Variants in CWH43 observed in about 807,000 individuals in gnomAD.
CWH43 encodes cell wall biogenesis 43 C-terminal homolog.
Under a neutral mutation model 85.7 loss-of-function variants are expected in CWH43, and 91 were observed. The ratio of observed to expected loss-of-function variants is 1.06; its 90% CI spans 0.90 to 1.26. The LOEUF is 1.26. CWH43 is among the 50% of genes most tolerant of loss of function. CWH43 has a pLI of 0.00. For synonymous variants in CWH43, 323 were observed against 293.6 expected, an observed-to-expected ratio of 1.10 and a Z score of -1.02; for missense variants, 869 against 839.2, an observed-to-expected ratio of 1.04 and a Z score of -0.44.
At chr4:49,046,160 G>A (rs1577706914) in intron 14 of CWH43, among the ~76,000 whole-genome samples, 1 of 152,060 alleles carries the variant, frequency 6.6e-6, no homozygotes, top group East Asian at 1.9e-4. Flanking sequence ...GTTGTTAAGT[G>A]ACACATGACT....
intron 7 of CWH43, among the ~76,000 whole-genome samples, chr4:49,004,388 G>T (rs1783089333): frequency 6.6e-6 from 1 of 152,058 alleles, no homozygotes; most frequent in African/African-American, 2.4e-5. Flanking sequence ...GATTTTTTGG[G>T]GTTCCCCTGA....
Position 49,027,474 on chromosome 4 carries a change from C to T in CWH43, c.1267-1155C>T, listed in dbSNP as rs7660596. ...ATAAATATAATATGTCTCTTGAAAT[C>T]TCTGTTGATGGTTCTCCTTTCTTTA... On this transcript the variant is annotated intron_variant, in intron 9 of 15. Transcript: ENST00000226432. 9.7e-3 allele frequency among the ~76,000 whole-genome samples: 1,469 copies of T among 152,228 alleles called. 17 individuals are homozygous for T. Among genetic ancestry groups the T allele is most frequent in the African/African-American group, 0.029 (1,222 of 41,532 alleles).
chr4:49,007,261 T>A lies in CWH43; in HGVS notation c.1121T>A (p.Leu374Ter). 1 of 1,611,938 alleles carries A rather than the reference T, an allele frequency of 6.2e-7. No homozygotes were observed. The highest frequency in any genetic ancestry group is 8.5e-7 in the Non-Finnish European group (1 of 1,179,002). The change falls in exon 8 of 16, where the codon TTG becomes TAG. Residue 374 changes from leucine (L) to a stop codon, truncating the protein, a stop_gained. Coordinates refer to ENST00000226432, the MANE Select transcript of CWH43 (RefSeq NM_025087.3). LOFTEE classifies it high-confidence loss of function. ...MLFGPKKNLD[L>*]LLQTKNSSKV... ...TTTGGTCCTAAGAAAAACCTTGACT[T>A]GCTTCTTCAAACAAAAAACAGTTCT... is the stretch of plus-strand genomic sequence containing the variant.
At chr4:49,037,309 G>A (rs886807964) in intron 12 of CWH43, among the ~76,000 whole-genome samples, 1 of 152,166 alleles carries the variant, frequency 6.6e-6, no homozygotes, top group Non-Finnish European at 1.5e-5. Flanking sequence ...AGTGGCTCAC[G>A]CCTGTAATCC....
intron 13 of CWH43, among the ~76,000 whole-genome samples, chr4:49,039,430 CTT>C (rs1491378818): frequency 1.3e-4 from 17 of 131,056 alleles, no homozygotes; most frequent in South Asian, 2.3e-4. Context: ...TATATATACA[CTT>C]ATATATATAT....
chr4:49,061,296 A>C (rs920919891), intron 15 of CWH43, among the ~76,000 whole-genome samples: 7 of 152,196 alleles, frequency 4.6e-5, no homozygotes, highest in African/African-American at 1.4e-4. Context: ...ATGGTTGCTT[A>C]TGAAGAAAAG....
intron 13 of CWH43, among the ~76,000 whole-genome samples, chr4:49,039,068 A>C (rs973354067): frequency 2.0e-5 from 2 of 100,772 alleles, no homozygotes; most frequent in African/African-American, 5.4e-5. Flanking sequence ...AAAAAAATAT[A>C]TAAATAAATT....
rs1484184990 is a variant in CWH43, at chr4:49,038,133, C to T, written c.1756C>T (p.Pro586Ser). Residue 586 changes from proline to serine, a missense_variant, in exon 13 of 16, where the codon CCT (proline) becomes TCT (serine). Pro to Ser is a moderately conservative substitution (Grantham distance 74). This residue lies in a region of CWH43 where 577 missense variants were observed against 513.1 expected (regional missense o/e 1.12). Transcript: ENST00000226432. ...VIFLGYITSAPGSRDYLQLTE... is the reference protein window; with the variant it reads ...VIFLGYITSASGSRDYLQLTE... ...ATTTCTGGGATATATCACTTCAGCACCTGGCTCCAGAGATTATCTACAGCT... is the reference window on the plus strand; with the variant it reads ...ATTTCTGGGATATATCACTTCAGCATCTGGCTCCAGAGATTATCTACAGCT... 2.5e-6 allele frequency: 4 copies of T among 1,611,462 alleles called. No individual in the cohort carries two copies. Among genetic ancestry groups the T allele is most frequent in the Non-Finnish European group, 2.5e-6 (3 of 1,178,586 alleles).
At chr4:49,011,026 A>G (rs1453648878) in intron 8 of CWH43, among the ~76,000 whole-genome samples, 1 of 152,122 alleles carries the variant, frequency 6.6e-6, no homozygotes, top group East Asian at 1.9e-4. Context: ...AGTCCTGGAT[A>G]TCCTTGTTAA....
At chr4:49,032,761 G>T (rs1267549692) in intron 12 of CWH43, 46 bp downstream of exon 12, 1 of 1,598,650 alleles carries the variant, frequency 6.3e-7, no homozygotes, top group Non-Finnish European at 8.6e-7. Flanking sequence ...GCCAAGAAAT[G>T]TTATTAACAA....
intron 12 of CWH43, among the ~76,000 whole-genome samples, chr4:49,036,522 A>G (rs951288063): frequency 1.3e-5 from 2 of 152,130 alleles, no homozygotes; most frequent in East Asian, 1.9e-4. Flanking sequence ...TAACTCAACA[A>G]GGTTTCTCCA....
chr4:48,986,276 G>T lies in CWH43; in HGVS notation c.-154G>T, dbSNP rs1245256033. 3.7e-5 allele frequency: 26 copies of T among 711,164 alleles called. No homozygotes were observed. Among genetic ancestry groups the T allele is most frequent in the Middle Eastern group, 4.0e-4 (1 of 2,496 alleles). 44.1% of individuals were successfully genotyped at this position (711,164 alleles called of 1,614,324 possible). On this transcript the variant is annotated 5_prime_UTR_variant, in exon 1 of 16. Transcript: ENST00000226432. ...CTGCCTCGGTTCGGCAAGTGGGTCAGTTGGCTGGGGCTCACTTGGCAACGG... is the reference window on the plus strand; with the variant it reads ...CTGCCTCGGTTCGGCAAGTGGGTCATTTGGCTGGGGCTCACTTGGCAACGG...
chr4:49,019,136 G>A (rs572740806), intron 9 of CWH43, among the ~76,000 whole-genome samples: 1 of 152,292 alleles, frequency 6.6e-6, no homozygotes, highest in Non-Finnish European at 1.5e-5. Context: ...AGTTGGACAA[G>A]AACCTGCCCT....
At chr4:49,029,276 T>C (rs1184490096) in intron 10 of CWH43, among the ~76,000 whole-genome samples, 1 of 152,172 alleles carries the variant, frequency 6.6e-6, no homozygotes, top group East Asian at 1.9e-4. Context: ...GGAATCAAGG[T>C]TTAAGGGATC....
intron 13 of CWH43, among the ~76,000 whole-genome samples, chr4:49,039,748 T>A (rs924700167): frequency 2.0e-5 from 3 of 151,640 alleles, no homozygotes; most frequent in African/African-American, 7.3e-5. Context: ...TTTTTTAAAA[T>A]TTTATTATTA....
chr4:48,994,570 A>C (rs1282184435), intron 4 of CWH43, 49 bp from the exon 5 acceptor site: 1 of 1,518,652 alleles, frequency 6.6e-7, no homozygotes, highest in Admixed American at 1.9e-5. Context: ...ATAGAGCGCA[A>C]ATTTCCATAT....
chr4:49,057,166 C>T (rs766324055), intron 15 of CWH43, among the ~76,000 whole-genome samples: 2 of 152,310 alleles, frequency 1.3e-5, no homozygotes, highest in Non-Finnish European at 2.9e-5. Context: ...GTTAAGGATG[C>T]ACACCTGTGA....
chr4:49,032,512 C>A, intron 11 of CWH43, 54 bp from the exon 12 acceptor site: 1 of 1,596,480 alleles, frequency 6.3e-7, no homozygotes, highest in Admixed American at 1.7e-5. Flanking sequence ...AGTCCCAGTG[C>A]ATGGTAGAAT....
At position 49,044,859 on chromosome 4, in the gene CWH43, G is replaced by T. The variant is rs777512064; in HGVS notation, c.1865+12G>T. 2.5e-6 allele frequency: 4 copies of T among 1,608,598 alleles called. No homozygotes were observed. In the South Asian group the frequency reaches 3.3e-5, roughly 13 times the overall value. On this transcript the variant is annotated intron_variant, in intron 14 of 15. Coordinates refer to ENST00000226432, the MANE Select transcript of CWH43 (RefSeq NM_025087.3). ...CGAGGGCTGATCAGGTGAGCACAGG[G>T]GTTTGATTTTGTTTTTAATCTATTA...
Sources: allele counts gnomAD v4.1 joint callset (sites outside exome capture counted in the v4.1 genomes callset), GRCh38; gene constraint gnomAD v4.1.1; regional missense constraint gnomAD v4.1.1; transcripts MANE v1.5; gene names NCBI Gene and HGNC (gene_info 2026-07-23, HGNC 2026-07-21).